The following CCDC85A variants were observed in gnomAD, a reference collection of about 807,000 sequenced individuals.
CCDC85A encodes the protein coiled-coil domain containing 85A, also known as coiled-coil domain-containing protein 85A.
A neutral mutation model predicts 50.2 loss-of-function variants in CCDC85A; 38 were observed. The ratio of observed to expected loss-of-function variants is 0.76; its 90% CI spans 0.58 to 0.99. The LOEUF is 0.99. Among genes scored for constraint, CCDC85A ranks in the 50% least tolerant of loss-of-function variants. CCDC85A has a pLI of 0.00. For synonymous variants in CCDC85A, 366 were observed against 301.4 expected, an observed-to-expected ratio of 1.21 and a Z score of -2.22; for missense variants, 820 against 742.0, an observed-to-expected ratio of 1.11 and a Z score of -1.22.
At chr2:56,221,338 CAGATTAACTG>C (rs1573046761) in intron 2 of CCDC85A, among the ~76,000 whole-genome samples, 1 of 152,046 alleles carries the variant, frequency 6.6e-6, no homozygotes, top group East Asian at 1.9e-4. Flanking sequence ...ACCGACTTAA[CAGATTAACTG>C]AGATTAACTG....
chr2:56,287,217 C>G, intron 2 of CCDC85A, among the ~76,000 whole-genome samples: 1 of 152,208 alleles, frequency 6.6e-6, no homozygotes, highest in East Asian at 1.9e-4. Flanking sequence ...GGGAGACCTT[C>G]AAGCTAACTT....
In CCDC85A at chr2:56,372,441, G is replaced by T. The variant is rs765579158; in HGVS notation, c.1415G>T (p.Gly472Val). 8.7e-6 allele frequency: 14 copies of T among 1,609,988 alleles called. No homozygotes were observed. The South Asian group carries it at 1.4e-4, about 17-fold the overall frequency. ...RARRVLQWWQ[G>V]CRGIGRCLPT... ...CGGCGGGTCTTGCAGTGGTGGCAAG[G>T]GTGCCGAGGAATAGGACGATGCCTG... is the stretch of plus-strand genomic sequence containing the variant. Residue 472 changes from glycine (G) to valine (V), a missense_variant, in exon 4 of 6, where the codon GGG becomes GTG. Physicochemically the swap from Gly to Val is moderately radical, Grantham distance 109 (BLOSUM62 -3). Transcript: ENST00000407595.
At chr2:56,298,125 G>A (rs773945249) in intron 2 of CCDC85A, among the ~76,000 whole-genome samples, 1 of 152,204 alleles carries the variant, frequency 6.6e-6, no homozygotes, top group Non-Finnish European at 1.5e-5. Flanking sequence ...TTCCATTTTA[G>A]TGTATGCACT....
chr2:56,358,290 G>T (rs1573333944), intron 3 of CCDC85A, among the ~76,000 whole-genome samples: 1 of 152,278 alleles, frequency 6.6e-6, no homozygotes, highest in East Asian at 1.9e-4. Context: ...CTTTAATAAT[G>T]TTTTATCCAG....
intron 1 of CCDC85A, among the ~76,000 whole-genome samples, chr2:56,190,639 T>A (rs1281532896): frequency 1.3e-5 from 2 of 152,092 alleles, no homozygotes; most frequent in African/African-American, 4.8e-5. Flanking sequence ...GGGGAGAGCA[T>A]TCCAGGTGAG....
chr2:56,239,668 A>T (rs1283474558), intron 2 of CCDC85A, among the ~76,000 whole-genome samples: 1 of 152,118 alleles, frequency 6.6e-6, no homozygotes, highest in Non-Finnish European at 1.5e-5. Context: ...ATCAACGGTT[A>T]TTGAGCTTGA....
chr2:56,372,961 T>G (rs1676152170), intron 4 of CCDC85A, among the ~76,000 whole-genome samples: 1 of 152,210 alleles, frequency 6.6e-6, no homozygotes, highest in Non-Finnish European at 1.5e-5. Context: ...AGTAGCATAT[T>G]TTTTTAAATA....
At chr2:56,304,379 A>G (rs1194201872) in intron 2 of CCDC85A, among the ~76,000 whole-genome samples, 2 of 152,320 alleles carry the variant, frequency 1.3e-5, no homozygotes, top group African/African-American at 4.8e-5. Flanking sequence ...AATCTGAGGA[A>G]TATGATATGC....
In CCDC85A at chr2:56,384,634, T is replaced by G. The variant is rs778860843; in HGVS notation, c.*279T>G. 25 of 317,462 alleles carry G rather than the reference T, an allele frequency of 7.9e-5. No individual in the cohort carries two copies. The highest frequency in any genetic ancestry group is 2.0e-3 in the Middle Eastern group (2 of 986). The allele number at this position is 317,462 out of a possible 1,614,324, so 19.7% of individuals were successfully genotyped here. ...TTGAAAATCAACATTTTGGTACCAGTGTTTTCATTAGAAATAAGTGTTTTT... is the reference window on the plus strand; with the variant it reads ...TTGAAAATCAACATTTTGGTACCAGGGTTTTCATTAGAAATAAGTGTTTTT... On this transcript the variant is annotated 3_prime_UTR_variant, in exon 6 of 6. Transcript: ENST00000407595.
At chr2:56,315,344 G>T (rs1672874406) in intron 2 of CCDC85A, among the ~76,000 whole-genome samples, 1 of 152,092 alleles carries the variant, frequency 6.6e-6, no homozygotes, top group Non-Finnish European at 1.5e-5. Context: ...GCGGCCTTTT[G>T]GGAATGGGAA....
At chr2:56,270,218 A>G (rs1321731579) in intron 2 of CCDC85A, among the ~76,000 whole-genome samples, 1 of 152,216 alleles carries the variant, frequency 6.6e-6, no homozygotes. Context: ...GAAATTGGCA[A>G]AATTTCAGGA....
chr2:56,284,120 G>T (rs1316816520), intron 2 of CCDC85A, among the ~76,000 whole-genome samples: 1 of 151,336 alleles, frequency 6.6e-6, no homozygotes, highest in Non-Finnish European at 1.5e-5. Flanking sequence ...TTGATAAATA[G>T]GTTATTTACA....
intron 2 of CCDC85A, among the ~76,000 whole-genome samples, chr2:56,301,404 G>A (rs1358165572): frequency 6.6e-6 from 1 of 152,182 alleles, no homozygotes; most frequent in Non-Finnish European, 1.5e-5. Flanking sequence ...TGGTTAAAAT[G>A]TGACTATTTT....
intron 2 of CCDC85A, among the ~76,000 whole-genome samples, chr2:56,320,530 G>T (rs2104257785): frequency 6.6e-6 from 1 of 152,180 alleles, no homozygotes; most frequent in South Asian, 2.1e-4. Flanking sequence ...AAATAAACTA[G>T]GAAATCTAGA....
intron 2 of CCDC85A, among the ~76,000 whole-genome samples, chr2:56,197,348 T>C (rs968399201): frequency 6.6e-6 from 1 of 152,208 alleles, no homozygotes; most frequent in African/African-American, 2.4e-5. Context: ...AAAATGTCTC[T>C]AGACACTGCC....
At chr2:56,365,279 T>C (rs1184244969) in intron 3 of CCDC85A, among the ~76,000 whole-genome samples, 2 of 152,216 alleles carry the variant, frequency 1.3e-5, no homozygotes, top group Non-Finnish European at 2.9e-5. Context: ...ATTACTTTCA[T>C]TTGTTTATTA....
At chr2:56,276,154 T>C (rs1670930413) in intron 2 of CCDC85A, among the ~76,000 whole-genome samples, 1 of 152,184 alleles carries the variant, frequency 6.6e-6, no homozygotes, top group Non-Finnish European at 1.5e-5. Flanking sequence ...ATTTAGAAAC[T>C]CATTAATTTT....
chr2:56,261,748 G>T (rs1670228317), intron 2 of CCDC85A, among the ~76,000 whole-genome samples: 1 of 152,184 alleles, frequency 6.6e-6, no homozygotes, highest in Admixed American at 6.5e-5. Context: ...AGGAGGGTGA[G>T]GCACCATGGG....
intron 3 of CCDC85A, among the ~76,000 whole-genome samples, chr2:56,350,838 TTTTA>T (rs1212336780): frequency 4.0e-5 from 6 of 150,896 alleles, no homozygotes; most frequent in Non-Finnish European, 7.4e-5. Context: ...TCAGTTTCTT[TTTTA>T]TTTATTTATT....
Sources: gnomAD v4.1 joint callset for allele counts (sites outside exome capture counted in the v4.1 genomes callset) on GRCh38, gnomAD v4.1.1 for gene constraint, MANE v1.5 for transcripts, NCBI Gene and HGNC (gene_info 2026-07-23, HGNC 2026-07-21) for gene names.